Variants in FAM53C observed in about 807,000 individuals in gnomAD.
FAM53C encodes the protein protein FAM53C.
FAM53C carries 10 observed loss-of-function variants against 34.7 expected under a neutral mutation model. The observed-to-expected ratio is 0.29, with a 90% CI of 0.18 to 0.49. The LOEUF (loss-of-function observed/expected upper bound fraction) is 0.49, where lower values mean the gene tolerates loss of function less well. FAM53C is among the 20% of genes least tolerant of loss of function. FAM53C has a pLI of 0.99. For synonymous variants in FAM53C, 203 were observed against 203.6 expected, an observed-to-expected ratio of 1.00 and a Z score of 0.03; for missense variants, 442 against 515.3, an observed-to-expected ratio of 0.86 and a Z score of 1.38.
At position 138,347,228 on chromosome 5, in the gene FAM53C, G is replaced by C; in HGVS notation, c.*269G>C. Reference sequence around the variant, plus strand: ...TGAGTGTGAGTATCCCTGCCACCAAGAGAGCAATGGGCAGGGAAGGAAGGG... The same window carrying C: ...TGAGTGTGAGTATCCCTGCCACCAACAGAGCAATGGGCAGGGAAGGAAGGG... On this transcript the variant is annotated 3_prime_UTR_variant, in exon 5 of 5. Coordinates refer to ENST00000239906, the MANE Select transcript of FAM53C (RefSeq NM_016605.3). The C allele has an allele frequency of 2.0e-6, 1 of 494,306 alleles. No homozygotes were observed. Among genetic ancestry groups the C allele is most frequent in the Non-Finnish European group, 3.6e-6 (1 of 276,942 alleles). The allele number at this position is 494,306 out of a possible 1,614,324, so 30.6% of individuals were successfully genotyped here. A position where few individuals can be genotyped will look rare whatever the true frequency, so the allele number is the denominator to read the frequency against.
At position 138,346,998 on chromosome 5, in the gene FAM53C, C is replaced by A. The variant is rs539476289; in HGVS notation, c.*39C>A. ...CTTCCTGGGGCCACACAGACTGACTCTCTCATGGCTACTAACAAGTGTCGA... is the reference window on the plus strand; with the variant it reads ...CTTCCTGGGGCCACACAGACTGACTATCTCATGGCTACTAACAAGTGTCGA... On this transcript the variant is annotated 3_prime_UTR_variant, in exon 5 of 5. Coordinates refer to ENST00000239906, the MANE Select transcript of FAM53C (RefSeq NM_016605.3). 6 of 1,611,664 alleles carry A rather than the reference C, an allele frequency of 3.7e-6. No homozygotes were observed. The highest frequency in any genetic ancestry group is 5.1e-6 in the Non-Finnish European group (6 of 1,179,306).
intron 2 of FAM53C, 71 bp from the exon 3 acceptor site, chr5:138,341,738 G>C (rs1329965299): frequency 1.0e-5 from 14 of 1,401,778 alleles, no homozygotes; most frequent in Admixed American, 1.7e-5. Context: ...GAGGAGAACT[G>C]AAGAGGGCTT....
Position 138,346,873 on chromosome 5 carries a change from C to T in FAM53C, c.1093C>T (p.Arg365Trp), listed in dbSNP as rs777338677. ...CGAAGAGGAGGAGGAGGGGGCTGTG[C>T]GGTGGGGTCGGCAGGCGCTGAGCAA... is the stretch of plus-strand genomic sequence containing the variant. ...ESEEEEEGAV[R>W]WGRQALSKRT... Residue 365 changes from arginine to tryptophan, a missense_variant, in exon 5 of 5, where the codon CGG (arginine) becomes TGG (tryptophan). Arg to Trp is a moderately radical substitution (Grantham distance 101, BLOSUM62 -3). Coordinates refer to ENST00000239906, the MANE Select transcript of FAM53C (RefSeq NM_016605.3). 30 of 1,613,918 alleles carry T rather than the reference C, an allele frequency of 1.9e-5. No individual in the cohort carries two copies. Among genetic ancestry groups the T allele is most frequent in the African/African-American group, 9.3e-5 (7 of 74,916 alleles).
chr5:138,345,741 G>A lies in FAM53C; in HGVS notation c.921+132G>A, dbSNP rs562038005. 4.3e-5 allele frequency: 47 copies of A among 1,085,000 alleles called. 1 individual carries two copies. Among genetic ancestry groups the A allele is most frequent in the South Asian group, 6.6e-5 (4 of 60,970 alleles). The allele number at this position is 1,085,000 out of a possible 1,614,324, so 67.2% of individuals were successfully genotyped here. A position where few individuals can be genotyped will look rare whatever the true frequency, so the allele number is the denominator to read the frequency against. On this transcript the variant is annotated intron_variant, in intron 4 of 4. Coordinates refer to ENST00000239906, the MANE Select transcript of FAM53C (RefSeq NM_016605.3). The surrounding 1 kb of genome is among the most constrained non-coding windows in gnomAD (Gnocchi z 6.3). The stretch of plus-strand genomic sequence containing the variant: ...CAGCACCTCCTTTAGCTCTTAGCTA[G>A]GGTGACCTACCATCCCAGTTTGCCT...
At position 138,347,100 on chromosome 5, in the gene FAM53C, C is replaced by T. The variant is rs1441836444; in HGVS notation, c.*141C>T. The T allele has an allele frequency of 3.3e-6, 4 of 1,196,868 alleles. No homozygotes were observed. Among genetic ancestry groups the T allele is most frequent in the African/African-American group, 3.0e-5 (2 of 66,084 alleles). The allele number at this position is 1,196,868 out of a possible 1,614,324, so 74.1% of individuals were successfully genotyped here. On this transcript the variant is annotated 3_prime_UTR_variant, in exon 5 of 5. Transcript: ENST00000239906. ...GACTCAGGGCAGCTGGAAATCTTCT[C>T]GCTCCAGCAAGCTCGACCATGCCAA...
chr5:138,338,131 C>T, upstream of FAM53C: 4 of 1,289,810 alleles, frequency 3.1e-6, no homozygotes, highest in Non-Finnish European at 3.0e-6. Flanking sequence ...TTGAGAGAGA[C>T]ACGACACGGA....
rs1431972880 is a variant in FAM53C, at chr5:138,345,163, C to T, written c.475C>T (p.Pro159Ser). Reference sequence around the variant, plus strand: ...TGGTGGAGGGGGTGGGCCGCAGGTGCCTCACCAGAGCCCCCCAAAGCGGGT... The same window carrying T: ...TGGTGGAGGGGGTGGGCCGCAGGTGTCTCACCAGAGCCCCCCAAAGCGGGT... Reference protein sequence around the residue: ...GSGGGGGPQVPHQSPPKRVSS... With the variant: ...GSGGGGGPQVSHQSPPKRVSS... The change falls in exon 4 of 5, where the codon CCT becomes TCT. Residue 159 changes from proline (P) to serine (S), a missense_variant. Transcript: ENST00000239906. The surrounding 1 kb of genome is among the most constrained non-coding windows in gnomAD (Gnocchi z 6.3). 1 of 1,614,076 alleles carries T rather than the reference C, an allele frequency of 6.2e-7. No individual in the cohort carries two copies. Among genetic ancestry groups the T allele is most frequent in the African/African-American group, 1.3e-5 (1 of 74,924 alleles).
At position 138,341,167 on chromosome 5, in the gene FAM53C, G is replaced by A. The variant is rs1272942590; in HGVS notation, c.-152-17G>A. 3 of 740,252 alleles carry A rather than the reference G, an allele frequency of 4.1e-6. No homozygotes were observed. The allele number at this position is 740,252 out of a possible 1,614,324, so 45.9% of individuals were successfully genotyped here. A position where few individuals can be genotyped will look rare whatever the true frequency, so the allele number is the denominator to read the frequency against. Reference sequence around the variant, plus strand: ...GCATCTCTAATATCACTTGGGGCTGGTCCCTCTAATTGGCAGACTCAGCAG... The same window carrying A: ...GCATCTCTAATATCACTTGGGGCTGATCCCTCTAATTGGCAGACTCAGCAG... On this transcript the variant is annotated splice_polypyrimidine_tract_variant and intron_variant, in intron 1 of 4. Coordinates refer to ENST00000239906, the MANE Select transcript of FAM53C (RefSeq NM_016605.3).
Position 138,346,736 on chromosome 5 carries a change from C to T in FAM53C, c.956C>T (p.Thr319Ile). ...TCAGGAGGTCTTTGTCTCCAAGAAA[C>T]AGCCCGGGAAGGCAGCAGCATCTCT... is the stretch of plus-strand genomic sequence containing the variant. ...PYSGGLCLQE[T>I]AREGSSISPP... Residue 319 changes from threonine (T) to isoleucine (I), a missense_variant, in exon 5 of 5, where the codon ACA becomes ATA. Physicochemically the swap from Thr to Ile is moderately conservative, Grantham distance 89 (BLOSUM62 -1). Coordinates refer to ENST00000239906, the MANE Select transcript of FAM53C (RefSeq NM_016605.3). The T allele has an allele frequency of 1.9e-6, 3 of 1,614,162 alleles. No individual in the cohort carries two copies. Among genetic ancestry groups the T allele is most frequent in the Non-Finnish European group, 2.5e-6 (3 of 1,180,050 alleles).
chr5:138,346,623 CAAAAA>C, intron 4 of FAM53C, 74 bp from the exon 5 acceptor site: 3 of 1,291,658 alleles, frequency 2.3e-6, no homozygotes, highest in Middle Eastern at 2.7e-4. Flanking sequence ...GACTCCGTCT[CAAAAA>C]AAAAAAGTTT....
Position 138,344,945 on chromosome 5 carries a change from C to A in FAM53C, c.257C>A (p.Ser86Tyr), listed in dbSNP as rs760261886. The A allele has an allele frequency of 7.4e-6, 12 of 1,614,010 alleles. No homozygotes were observed. The East Asian group carries it at 8.9e-5, about 12-fold the overall frequency. The part of the protein sequence containing the change: ...LHLRPPSRGN[S>Y]PKEQPFSQVL... Reference sequence around the variant, plus strand: ...CTCAGACCACCCAGTCGGGGAAACTCCCCCAAGGAGCAGCCCTTCTCCCAA... The same window carrying A: ...CTCAGACCACCCAGTCGGGGAAACTACCCCAAGGAGCAGCCCTTCTCCCAA... The change falls in exon 4 of 5, where the codon TCC becomes TAC. Residue 86 changes from serine to tyrosine, a missense_variant. Transcript: ENST00000239906.
chr5:138,337,894 GAGTGGGAGGCTGC>G (rs1012341014), upstream of FAM53C: 2 of 1,192,092 alleles, frequency 1.7e-6, no homozygotes, highest in Non-Finnish European at 2.2e-6. Flanking sequence ...GGCCCGAACC[GAGTGGGAGGCTGC>G]AGTTGGGCCG....
At position 138,345,306 on chromosome 5, in the gene FAM53C, C is replaced by T. The variant is rs761716080; in HGVS notation, c.618C>T (p.Cys206=). ...TGGCCCAAGATTCCTCTCGACCCTG[C>T]GCCGCCTCCCCTCAAAGTGGCTCCT... ...LALAQDSSRP[C]AASPQSGSWE... is the part of the protein sequence containing the mutation. Residue 206 remains cysteine, a synonymous_variant, in exon 4 of 5, where the codon TGC becomes TGT. Coordinates refer to ENST00000239906, the MANE Select transcript of FAM53C (RefSeq NM_016605.3). This position sits in a 1 kb window ranked among gnomAD's most constrained non-coding sequence, Gnocchi z 6.3. 35 of 1,614,092 alleles carry T rather than the reference C, an allele frequency of 2.2e-5. No individual in the cohort carries two copies. In the Admixed American group the frequency reaches 3.0e-4, roughly 14 times the overall value.
chr5:138,345,499 A>T lies in FAM53C; in HGVS notation c.811A>T (p.Ser271Cys). The T allele has an allele frequency of 6.2e-7, 1 of 1,613,996 alleles. No individual in the cohort carries two copies. Among genetic ancestry groups the T allele is most frequent in the Non-Finnish European group, 8.5e-7 (1 of 1,180,018 alleles). The change falls in exon 4 of 5, where the codon AGC becomes TGC. Residue 271 changes from serine (S) to cysteine (C), a missense_variant. Ser to Cys is a moderately radical substitution (Grantham distance 112). Coordinates refer to ENST00000239906, the MANE Select transcript of FAM53C (RefSeq NM_016605.3). This position sits in a 1 kb window ranked among gnomAD's most constrained non-coding sequence, Gnocchi z 6.3. ...TCGAGGTCTCCGCAACCTTCCCCGA[A>T]GCCGCTCACAGCCTTGTGATCTGGA... is the stretch of plus-strand genomic sequence containing the variant. ...RPRGLRNLPR[S>C]RSQPCDLDAR...
chr5:138,342,010 C>G (rs1561742286), intron 3 of FAM53C, 144 bp downstream of exon 3: 2 of 702,662 alleles, frequency 2.8e-6, no homozygotes, highest in Non-Finnish European at 5.1e-6. Flanking sequence ...TGACAGTTGT[C>G]TTTCATGTTC....
At chr5:138,346,453 G>A (rs962716069) in intron 4 of FAM53C, among the ~76,000 whole-genome samples, 25 of 152,116 alleles carry the variant, frequency 1.6e-4, no homozygotes, top group African/African-American at 4.6e-4. Flanking sequence ...GTGAAACCTC[G>A]TCTCTACTAA....
Position 138,339,447 on chromosome 5 carries a change from A to T in FAM53C, c.-153+1140A>T, listed in dbSNP as rs540589712. 8.5e-5 allele frequency among the ~76,000 whole-genome samples: 13 copies of T among 152,274 alleles called. 1 individual carries two copies. In the East Asian group the frequency reaches 2.5e-3, roughly 29 times the overall value. ...GTGTGGCCACATCCCAACAATTAAAATGCAGAAAAACACAAATTCACTGTC... is the reference window on the plus strand; with the variant it reads ...GTGTGGCCACATCCCAACAATTAAATTGCAGAAAAACACAAATTCACTGTC... On this transcript the variant is annotated intron_variant, in intron 1 of 4. Coordinates refer to ENST00000239906, the MANE Select transcript of FAM53C (RefSeq NM_016605.3).
rs752912252 is a variant in FAM53C, at chr5:138,345,634, C to T, written c.921+25C>T. 1 of 1,593,902 alleles carries T rather than the reference C, an allele frequency of 6.3e-7. No individual in the cohort carries two copies. The highest frequency in any genetic ancestry group is 2.2e-5 in the East Asian group (1 of 44,648). ...GGTGGGACCAGCAAGACTAGGGGAG[C>T]TTAGATGGGAGTGTGGGGACTGTTC... On this transcript the variant is annotated intron_variant, in intron 4 of 4. Coordinates refer to ENST00000239906, the MANE Select transcript of FAM53C (RefSeq NM_016605.3). The surrounding 1 kb of genome is among the most constrained non-coding windows in gnomAD (Gnocchi z 6.3).
intron 4 of FAM53C, 62 bp from the exon 5 acceptor site, chr5:138,346,640 C>T (rs1761185906): frequency 6.3e-7 from 1 of 1,593,074 alleles, no homozygotes; most frequent in Admixed American, 1.8e-5. Flanking sequence ...AAAAAGTTTA[C>T]AAACCTCACC....
Sources: gnomAD v4.1 joint callset for allele counts (sites outside exome capture counted in the v4.1 genomes callset) on GRCh38, gnomAD v4.1.1 for gene constraint, Gnocchi (gnomAD v3.1) non-coding constraint, MANE v1.5 for transcripts, NCBI Gene and HGNC (gene_info 2026-07-23, HGNC 2026-07-21) for gene names.